Variants in ADRA1B observed in about 807,000 individuals in gnomAD.
The protein encoded by ADRA1B is alpha-1B adrenergic receptor.
ADRA1B carries 17 observed loss-of-function variants against 17.9 expected under a neutral mutation model. The observed-to-expected ratio is 0.95, with a 90% CI of 0.65 to 1.42. The LOEUF is 1.42. Among genes scored for constraint, ADRA1B ranks in the 40% most tolerant of loss-of-function variants. The probability of loss-of-function intolerance (pLI) is 0.00; values close to 1 mark genes in which losing one functional copy is unlikely to be tolerated. For synonymous variants in ADRA1B, 366 were observed against 327.6 expected, an observed-to-expected ratio of 1.12 and a Z score of -1.27; for missense variants, 681 against 722.1, an observed-to-expected ratio of 0.94 and a Z score of 0.65.
At chr5:159,969,844 CAG>C (rs1210538686) in intron 1 of ADRA1B, among the ~76,000 whole-genome samples, 1 of 152,010 alleles carries the variant, frequency 6.6e-6, no homozygotes, top group African/African-American at 2.4e-5. Flanking sequence ...TTTGGCACTG[CAG>C]AGTTTTATAT....
At chr5:159,964,445 A>G (rs1192835477) in intron 1 of ADRA1B, among the ~76,000 whole-genome samples, 1 of 152,206 alleles carries the variant, frequency 6.6e-6, no homozygotes, top group Admixed American at 6.5e-5. Flanking sequence ...TTTATAGTAA[A>G]TGATGCAAGT....
At chr5:159,915,252 C>A (rs1754272501), upstream of ADRA1B, among the ~76,000 whole-genome samples, 1 of 152,216 alleles carries the variant, frequency 6.6e-6, no homozygotes, top group African/African-American at 2.4e-5. Context: ...AGCAGCTCTC[C>A]TCCATGCCTT....
chr5:159,890,585 G>A (rs1406449278), intron 1 of ADRA1B, among the ~76,000 whole-genome samples: 1 of 152,182 alleles, frequency 6.6e-6, no homozygotes, highest in Admixed American at 6.5e-5. Context: ...TCATTCATAT[G>A]TCTGGCTGTT....
intron 1 of ADRA1B, among the ~76,000 whole-genome samples, chr5:159,867,307 C>A (rs760987893): frequency 6.6e-6 from 1 of 152,128 alleles, no homozygotes; most frequent in Non-Finnish European, 1.5e-5. Context: ...CATTCTACCC[C>A]GTGTCCCAAG....
chr5:159,871,955 C>T (rs139631967), intron 1 of ADRA1B, among the ~76,000 whole-genome samples: 245 of 152,232 alleles, frequency 1.6e-3, no homozygotes, highest in Admixed American at 3.4e-3. Flanking sequence ...ACCCTGGAGC[C>T]CTTCCCTACT....
At chr5:159,886,233 G>A (rs2113096136) in intron 1 of ADRA1B, among the ~76,000 whole-genome samples, 1 of 152,282 alleles carries the variant, frequency 6.6e-6, no homozygotes, top group East Asian at 1.9e-4. Context: ...TGCCTTAAAT[G>A]TCTGGCTCTT....
At chr5:159,969,951 T>G (rs776757394) in intron 1 of ADRA1B, among the ~76,000 whole-genome samples, 9 of 152,208 alleles carry the variant, frequency 5.9e-5, no homozygotes, top group Non-Finnish European at 7.3e-5. Context: ...AAAAACACAT[T>G]TTTATTCAAA....
At chr5:159,908,141 C>T (rs551003561) in intron 1 of ADRA1B, among the ~76,000 whole-genome samples, 1 of 152,300 alleles carries the variant, frequency 6.6e-6, no homozygotes, top group East Asian at 1.9e-4. Context: ...ATTCAATCCT[C>T]AGACCTCACC....
chr5:159,955,016 G>A (rs765590365), intron 1 of ADRA1B: 5 of 412,940 alleles, frequency 1.2e-5, no homozygotes, highest in Non-Finnish European at 1.6e-5. Context: ...GCAAGATAAG[G>A]GTTCATCTTG....
intron 1 of ADRA1B, among the ~76,000 whole-genome samples, chr5:159,885,048 A>G (rs576552618): frequency 2.4e-4 from 36 of 152,272 alleles, no homozygotes; most frequent in African/African-American, 8.7e-4. Context: ...GGAAGCAGAA[A>G]TGGTACATTT....
chr5:159,895,122 G>A (rs558443707), intron 1 of ADRA1B, among the ~76,000 whole-genome samples: 3 of 152,280 alleles, frequency 2.0e-5, no homozygotes, highest in East Asian at 3.9e-4. Context: ...CCACTTCAGC[G>A]CTATCTATGC....
chr5:159,870,460 C>T (rs1753722688), intron 1 of ADRA1B: 2 of 152,196 alleles, frequency 1.3e-5, no homozygotes, highest in Admixed American at 1.3e-4. Context: ...ATCCATCCAT[C>T]CATCCAACCA....
At chr5:159,905,166 G>T (rs1350183001) in intron 1 of ADRA1B, among the ~76,000 whole-genome samples, 1 of 152,228 alleles carries the variant, frequency 6.6e-6, no homozygotes. Context: ...AGCAACAGGA[G>T]ACCATTGGGA....
chr5:159,907,540 G>A (rs1188384361), intron 1 of ADRA1B, among the ~76,000 whole-genome samples: 1 of 151,912 alleles, frequency 6.6e-6, no homozygotes, highest in Non-Finnish European at 1.5e-5. Context: ...CATTTGGCAA[G>A]TAAAGCTCTG....
intron 1 of ADRA1B, among the ~76,000 whole-genome samples, chr5:159,920,276 T>C (rs948263399): frequency 1.3e-5 from 2 of 152,032 alleles, no homozygotes; most frequent in African/African-American, 4.8e-5. Flanking sequence ...CTCAGACCTT[T>C]CCCAGCCACA....
At chr5:159,897,277 C>T (rs944364736) in intron 1 of ADRA1B, among the ~76,000 whole-genome samples, 6 of 151,984 alleles carry the variant, frequency 3.9e-5, no homozygotes, top group East Asian at 1.9e-4. Flanking sequence ...CATGAGGTCA[C>T]GAGTTCAAGA....
chr5:159,984,363 C>T, the ADRA1B span, among the ~76,000 whole-genome samples: 1 of 152,142 alleles, frequency 6.6e-6, no homozygotes, highest in African/African-American at 2.4e-5. Flanking sequence ...GACCAATGTT[C>T]CCCTGATTGC....
chr5:159,910,717 T>A (rs137945278), intron 1 of ADRA1B, among the ~76,000 whole-genome samples: 214 of 152,286 alleles, frequency 1.4e-3, no homozygotes, highest in African/African-American at 5.1e-3. Flanking sequence ...TAGGCTGGAT[T>A]TGATCGATTA....
chr5:159,960,234 G>GTATC (rs920218617), intron 1 of ADRA1B, among the ~76,000 whole-genome samples: 1 of 152,206 alleles, frequency 6.6e-6, no homozygotes, highest in Non-Finnish European at 1.5e-5. Context: ...AGAGAAAAGG[G>GTATC]TATCTCAGAC....
Sources: allele counts gnomAD v4.1 joint callset (sites outside exome capture counted in the v4.1 genomes callset), GRCh38; gene constraint gnomAD v4.1.1; transcripts MANE v1.5; gene names NCBI Gene and HGNC (gene_info 2026-07-23, HGNC 2026-07-21).